Variants in NR3C2 observed in about 807,000 individuals in gnomAD.
NR3C2 encodes the protein nuclear receptor subfamily 3 group C member 2.
NR3C2 carries 15 observed loss-of-function variants against 86.4 expected under a neutral mutation model. The ratio of observed to expected loss-of-function variants is 0.17; its 90% CI spans 0.12 to 0.27. The LOEUF (loss-of-function observed/expected upper bound fraction) is 0.27. NR3C2 is among the 10% of genes least tolerant of loss of function. The probability of loss-of-function intolerance (pLI) is 1.00; values close to 1 mark genes in which losing one functional copy is unlikely to be tolerated. For missense variants in NR3C2, 960 were observed against 1,195.6 expected (o/e 0.80, Z 2.91); for synonymous variants, 458 against 450.5 (o/e 1.02, Z -0.21).
At chr4:148,082,888 G>T (rs564103692) in intron 8 of NR3C2, among the ~76,000 whole-genome samples, 1 of 151,972 alleles carries the variant, frequency 6.6e-6, no homozygotes, top group Admixed American at 6.6e-5. Flanking sequence ...GTGGGGGAAG[G>T]GGGGAGGAGC....
At chr4:148,241,327 A>AAG (rs2149848174) in intron 3 of NR3C2, among the ~76,000 whole-genome samples, 1 of 145,788 alleles carries the variant, frequency 6.9e-6, no homozygotes, top group East Asian at 2.0e-4. Flanking sequence ...AAAAAAAAAA[A>AAG]AAAAAAGGGG....
At chr4:148,244,587 T>C (rs945801239) in intron 3 of NR3C2, among the ~76,000 whole-genome samples, 1 of 152,182 alleles carries the variant, frequency 6.6e-6, no homozygotes, top group African/African-American at 2.4e-5. Flanking sequence ...AGTTTCACTA[T>C]GCAATTTCAT....
chr4:148,104,341 GGTTT>G (rs1560923468), intron 8 of NR3C2, among the ~76,000 whole-genome samples: 9 of 122,350 alleles, frequency 7.4e-5, no homozygotes, highest in East Asian at 2.3e-4. Flanking sequence ...GTTTTGGTTT[GGTTT>G]TTTTTTTTTT....
chr4:148,218,174 C>T (rs888030202), intron 3 of NR3C2, among the ~76,000 whole-genome samples: 2 of 152,046 alleles, frequency 1.3e-5, no homozygotes, highest in African/African-American at 4.8e-5. Context: ...AGTCTAAGTA[C>T]GAAAACAAAG....
At chr4:148,371,542 G>A (rs1746421844) in intron 2 of NR3C2, among the ~76,000 whole-genome samples, 1 of 151,686 alleles carries the variant, frequency 6.6e-6, no homozygotes, top group Non-Finnish European at 1.5e-5. Context: ...CCATGTTATT[G>A]AAAGTGAAAA....
At chr4:148,317,801 T>C (rs1299488032) in intron 2 of NR3C2, among the ~76,000 whole-genome samples, 1 of 122,458 alleles carries the variant, frequency 8.2e-6, no homozygotes, top group Non-Finnish European at 1.6e-5. Flanking sequence ...ATTAAGTCTA[T>C]CTCATTTTTT....
chr4:148,336,817 G>A (rs1437613272), intron 2 of NR3C2, among the ~76,000 whole-genome samples: 1 of 152,148 alleles, frequency 6.6e-6, no homozygotes, highest in Non-Finnish European at 1.5e-5. Flanking sequence ...CTTTGAGACA[G>A]GGTCACACTC....
intron 2 of NR3C2, among the ~76,000 whole-genome samples, chr4:148,283,445 A>G (rs931621738): frequency 2.6e-5 from 4 of 152,234 alleles, no homozygotes; most frequent in African/African-American, 9.6e-5. Context: ...GAATCACAAG[A>G]GCAATGGTGA....
chr4:148,337,339 G>A (rs947466903), intron 2 of NR3C2, among the ~76,000 whole-genome samples: 2 of 152,020 alleles, frequency 1.3e-5, no homozygotes, highest in Non-Finnish European at 2.9e-5. Flanking sequence ...AAATGAACAT[G>A]TGATTAGAAT....
At chr4:148,383,952 G>GAA (rs60506239) in intron 2 of NR3C2, among the ~76,000 whole-genome samples, 6,798 of 120,046 alleles carry the variant, frequency 0.057, 238 homozygotes, top group Middle Eastern at 0.081. Flanking sequence ...TGTCTCAGGG[G>GAA]AAAAAAAAAA....
chr4:148,438,646 ATG>A (rs202017968), intron 1 of NR3C2, among the ~76,000 whole-genome samples: 1,838 of 152,306 alleles, frequency 0.012, 12 homozygotes, highest in Non-Finnish European at 0.018. Flanking sequence ...GTTACAGAAT[ATG>A]TATTAACATT....
chr4:148,245,641 T>C lies in NR3C2; in HGVS notation c.1897+14337A>G, dbSNP rs1158137263. On this transcript the variant is annotated intron_variant, in intron 3 of 8. Transcript: ENST00000358102. ...TGAACATAGCCTCCTAAAGCTATGATTCTGATGACAACCCAGTACATCTAA... is the reference window on the plus strand; with the variant it reads ...TGAACATAGCCTCCTAAAGCTATGACTCTGATGACAACCCAGTACATCTAA... Among the ~76,000 whole-genome samples, 3 of 152,188 alleles carry C rather than the reference T, an allele frequency of 2.0e-5. No individual in the cohort carries two copies. In the East Asian group the frequency reaches 5.8e-4, roughly 29 times the overall value.
intron 3 of NR3C2, among the ~76,000 whole-genome samples, chr4:148,248,823 G>A (rs1739438578): frequency 1.3e-5 from 2 of 152,084 alleles, no homozygotes; most frequent in South Asian, 4.1e-4. Context: ...GAGAACCAAG[G>A]TGTAATATTA....
Position 148,436,160 on chromosome 4 carries a change from G to A in NR3C2, c.701C>T (p.Pro234Leu). Residue 234 changes from proline (P) to leucine (L), a missense_variant, in exon 2 of 9, where the codon CCT (proline) becomes CTT (leucine). Pro to Leu is a moderately conservative substitution (Grantham distance 98, BLOSUM62 -3). This residue lies in a region of NR3C2 where 680 missense variants were observed against 719.0 expected (regional missense o/e 0.95). Coordinates refer to ENST00000358102, the MANE Select transcript of NR3C2 (RefSeq NM_000901.5). ...PVHSPITQGT[P>L]LTCSPNVENR... is the part of the protein sequence containing the mutation. The stretch of plus-strand genomic sequence containing the variant: ...TTCAACATTAGGGGAGCATGTCAGA[G>A]GAGTTCCCTGGGTGATTGGGCTGTG... The A allele has an allele frequency of 1.2e-6, 2 of 1,614,144 alleles. No homozygotes were observed. The highest frequency in any genetic ancestry group is 8.5e-7 in the Non-Finnish European group (1 of 1,180,024).
chr4:148,316,802 G>T (rs1743207927), intron 2 of NR3C2, among the ~76,000 whole-genome samples: 1 of 151,910 alleles, frequency 6.6e-6, no homozygotes, highest in South Asian at 2.1e-4. Context: ...TGTTGTTGTT[G>T]TTTTTTGTTT....
chr4:148,122,217 T>C lies in NR3C2; in HGVS notation c.2511-1929A>G, dbSNP rs1477990876. Reference sequence around the variant, plus strand: ...GGTGTCTTCTTTGGTGATTTGACTATTCATATCTTTACCAATTTTACCCAT... The same window carrying C: ...GGTGTCTTCTTTGGTGATTTGACTACTCATATCTTTACCAATTTTACCCAT... On this transcript the variant is annotated intron_variant, in intron 6 of 8. Coordinates refer to ENST00000358102, the MANE Select transcript of NR3C2 (RefSeq NM_000901.5). Among the ~76,000 whole-genome samples, 4 of 152,360 alleles carry C rather than the reference T, an allele frequency of 2.6e-5. No individual in the cohort carries two copies. The East Asian group carries it at 7.7e-4, about 29-fold the overall frequency.
intron 6 of NR3C2, among the ~76,000 whole-genome samples, chr4:148,145,673 A>AG (rs985522497): frequency 1.3e-5 from 2 of 152,188 alleles, no homozygotes; most frequent in African/African-American, 4.8e-5. Flanking sequence ...TGCCACCTGC[A>AG]GGGGGGTGCT....
At chr4:148,364,762 G>T (rs1277175682) in intron 2 of NR3C2, among the ~76,000 whole-genome samples, 1 of 151,562 alleles carries the variant, frequency 6.6e-6, no homozygotes, top group Non-Finnish European at 1.5e-5. Context: ...GAGATGACTG[G>T]TTGAGTATCC....
chr4:148,289,452 C>A (rs1046504320), intron 2 of NR3C2, among the ~76,000 whole-genome samples: 14 of 152,120 alleles, frequency 9.2e-5, no homozygotes, highest in Non-Finnish European at 1.0e-4. Context: ...CTTAATATAC[C>A]TTAAGCCTCC....
Sources: gnomAD v4.1 joint callset for allele counts (sites outside exome capture counted in the v4.1 genomes callset) on GRCh38, gnomAD v4.1.1 for gene constraint, gnomAD v4.1.1 regional missense constraint, MANE v1.5 for transcripts, NCBI Gene and HGNC (gene_info 2026-07-23, HGNC 2026-07-21) for gene names.